The following RAMP1 variants were observed in gnomAD, a reference collection of about 807,000 sequenced individuals.
RAMP1 encodes the protein receptor activity-modifying protein 1.
A neutral mutation model predicts 8.2 loss-of-function variants in RAMP1; 7 were observed. That is an observed-to-expected ratio of 0.85 (90% CI 0.49 to 1.60). RAMP1 has a LOEUF of 1.60. Ranked by LOEUF, RAMP1 falls within the 40% of genes most tolerant of loss-of-function variation. The pLI, the probability that RAMP1 is intolerant of heterozygous loss-of-function variation, is 0.00. For synonymous variants in RAMP1, 92 were observed against 84.7 expected (o/e 1.09, Z -0.47); for missense variants, 192 against 202.4 (o/e 0.95, Z 0.31).
intron 2 of RAMP1, among the ~76,000 whole-genome samples, chr2:237,890,051 G>A (rs1296684046): frequency 6.6e-6 from 1 of 152,180 alleles, no homozygotes; most frequent in African/African-American, 2.4e-5. Flanking sequence ...GAGCCTCTGC[G>A]GCCTCCCCAG....
intron 1 of RAMP1, 125 bp downstream of exon 1, chr2:237,859,852 G>A: frequency 2.1e-6 from 2 of 939,418 alleles, no homozygotes; most frequent in Middle Eastern, 3.9e-4. Context: ...CGGGCGCACA[G>A]ATCCGCTGCC....
rs532109286 is a variant in RAMP1 at position 237,868,749 on chromosome 2, C to T, written c.53-8475C>T. ...CCTGAGTTTGCCTCTGCCTTGTGCT[C>T]ATGGTTGATATTTTCTGGATTCTCT... On this transcript the variant is annotated intron_variant, in intron 1 of 2. Transcript: ENST00000254661. 5.9e-5 allele frequency among the ~76,000 whole-genome samples: 9 copies of T among 152,292 alleles called. No homozygotes were observed. In the South Asian group the frequency reaches 1.9e-3, roughly 32 times the overall value.
chr2:237,889,784 C>T (rs1559946867), intron 2 of RAMP1, among the ~76,000 whole-genome samples: 1 of 152,222 alleles, frequency 6.6e-6, no homozygotes, highest in Non-Finnish European at 1.5e-5. Flanking sequence ...TGTGCCACCA[C>T]ACCCAGCTAA....
At chr2:237,903,564 G>A (rs1309673601) in intron 2 of RAMP1, among the ~76,000 whole-genome samples, 1 of 152,056 alleles carries the variant, frequency 6.6e-6, no homozygotes, top group Non-Finnish European at 1.5e-5. Context: ...TGTTGCCCAG[G>A]CTGGAGTGCA....
chr2:237,908,691 C>T (rs548156900), intron 2 of RAMP1, among the ~76,000 whole-genome samples: 2 of 152,298 alleles, frequency 1.3e-5, no homozygotes, highest in East Asian at 3.9e-4. Context: ...CCGCCTCAGC[C>T]TCCCAAAGTG....
At chr2:237,908,411 T>TGGTGGTGGTAGTGGTGGC (rs2062674533) in intron 2 of RAMP1, among the ~76,000 whole-genome samples, 1 of 42,432 alleles carries the variant, frequency 2.4e-5, no homozygotes, top group Non-Finnish European at 6.3e-5. Context: ...AAGAGACCTC[T>TGGTGGTGGTAGTGGTGGC]GGTGGTGGTG....
intron 1 of RAMP1, among the ~76,000 whole-genome samples, chr2:237,876,652 CG>C (rs140240176): frequency 0.055 from 8,357 of 152,222 alleles, 443 homozygotes; most frequent in African/African-American, 0.14. Flanking sequence ...CCGCCACCCC[CG>C]CCCCCACCCA....
intron 2 of RAMP1, among the ~76,000 whole-genome samples, chr2:237,909,709 G>A (rs535556227): frequency 5.8e-4 from 89 of 152,250 alleles, no homozygotes; most frequent in African/African-American, 1.9e-3. Context: ...GAAAAGCACC[G>A]ATGGCTGGGT....
At position 237,911,886 on chromosome 2, in the gene RAMP1, A is replaced by G; in HGVS notation, c.*103A>G. ...AGCCTTGGGACAGAGCAGGCCCACA[A>G]TGCCCCCCTTCTTCCAGCCAAGAAG... On this transcript the variant is annotated 3_prime_UTR_variant, in exon 3 of 3. Transcript: ENST00000254661. The G allele has an allele frequency of 7.0e-7, 1 of 1,432,472 alleles. No homozygotes were observed. Among genetic ancestry groups the G allele is most frequent in the Non-Finnish European group, 9.2e-7 (1 of 1,082,344 alleles). 88.7% of individuals were successfully genotyped at this position (1,432,472 alleles called of 1,614,324 possible).
chr2:237,903,377 C>T (rs1028608646), intron 2 of RAMP1, among the ~76,000 whole-genome samples: 4 of 152,126 alleles, frequency 2.6e-5, no homozygotes, highest in East Asian at 1.9e-4. Flanking sequence ...AATGCAATTA[C>T]GGGGTCAAGA....
chr2:237,884,880 A>C (rs1249671841), intron 2 of RAMP1, among the ~76,000 whole-genome samples: 1 of 152,154 alleles, frequency 6.6e-6, no homozygotes, highest in East Asian at 1.9e-4. Context: ...GCCCTCCCCC[A>C]GCCCAAGGAG....
intron 2 of RAMP1, among the ~76,000 whole-genome samples, chr2:237,910,874 A>C (rs2062705343): frequency 6.6e-6 from 1 of 150,436 alleles, no homozygotes; most frequent in Non-Finnish European, 1.5e-5. Flanking sequence ...CACAGAGAAT[A>C]ACAGTCACAC....
rs900333889 is a variant in RAMP1 at position 237,862,542 on chromosome 2, C to A, written c.52+2815C>A. On this transcript the variant is annotated intron_variant, in intron 1 of 2. Coordinates refer to ENST00000254661, the MANE Select transcript of RAMP1 (RefSeq NM_005855.4). The surrounding 1 kb of genome is among the most constrained non-coding windows in gnomAD (Gnocchi z 4.0). ...GGAAAAGTCTGTCCTGATTTTTTTC[C>A]CCAGAATGCGCCCATTTCATAGCTT... Among the ~76,000 whole-genome samples, 2 of 152,084 alleles carry A rather than the reference C, an allele frequency of 1.3e-5. No individual in the cohort carries two copies. Among genetic ancestry groups the A allele is most frequent in the Admixed American group, 6.5e-5 (1 of 15,270 alleles).
At position 237,910,494 on chromosome 2, in the gene RAMP1, C is replaced by A. The variant is rs114995807; in HGVS notation, c.192-1034C>A. 4.2e-3 allele frequency among the ~76,000 whole-genome samples: 632 copies of A among 152,088 alleles called. 8 individuals carry two copies. Among genetic ancestry groups the A allele is most frequent in the African/African-American group, 0.015 (607 of 41,458 alleles). Reference sequence around the variant, plus strand: ...TAACAGTCACACCCACACACAGTCACACACAGAATAACACAATTACATATA... The same window carrying A: ...TAACAGTCACACCCACACACAGTCAAACACAGAATAACACAATTACATATA... On this transcript the variant is annotated intron_variant, in intron 2 of 2. Transcript: ENST00000254661.
At chr2:237,886,091 G>T (rs1351153901) in intron 2 of RAMP1, among the ~76,000 whole-genome samples, 5 of 152,200 alleles carry the variant, frequency 3.3e-5, no homozygotes, top group African/African-American at 9.6e-5. Context: ...CGCCACTCCT[G>T]TGGCCTGCGC....
intron 2 of RAMP1, among the ~76,000 whole-genome samples, chr2:237,889,829 G>A (rs1286965467): frequency 6.6e-6 from 1 of 152,136 alleles, no homozygotes; most frequent in Non-Finnish European, 1.5e-5. Flanking sequence ...GTCTCCCTAT[G>A]TTACCCAGGC....
intron 2 of RAMP1, among the ~76,000 whole-genome samples, chr2:237,889,534 C>T (rs2062468650): frequency 6.6e-6 from 1 of 152,210 alleles, no homozygotes; most frequent in Non-Finnish European, 1.5e-5. Context: ...TCGTACCACG[C>T]CATTTAAATT....
chr2:237,870,275 G>A (rs1043025026), intron 1 of RAMP1, among the ~76,000 whole-genome samples: 1 of 152,176 alleles, frequency 6.6e-6, no homozygotes, highest in African/African-American at 2.4e-5. Flanking sequence ...AGGGCCTGGT[G>A]ACCCTGGGCA....
intron 2 of RAMP1, among the ~76,000 whole-genome samples, chr2:237,885,643 G>A (rs1363894257): frequency 6.6e-6 from 1 of 152,192 alleles, no homozygotes. Flanking sequence ...GGATCCAAAG[G>A]CGAGCATTGC....
Sources: allele counts gnomAD v4.1 joint callset (sites outside exome capture counted in the v4.1 genomes callset), GRCh38; gene constraint gnomAD v4.1.1; non-coding constraint Gnocchi (gnomAD v3.1); transcripts MANE v1.5; gene names NCBI Gene and HGNC (gene_info 2026-07-23, HGNC 2026-07-21).